KCNK13: variants seen among roughly 807,000 people sequenced by gnomAD.
KCNK13 encodes potassium two pore domain channel subfamily K member 13.
In KCNK13, 12 loss-of-function variants were observed where a neutral mutation model predicts 23.4. The observed-to-expected ratio is 0.51, with a 90% CI of 0.33 to 0.83. KCNK13 has a LOEUF of 0.83. KCNK13 is among the 40% of genes least tolerant of loss of function. The pLI, the probability that KCNK13 is intolerant of heterozygous loss-of-function variation, is 0.02. For missense variants in KCNK13, 463 were observed against 556.3 expected (o/e 0.83, Z 1.69); for synonymous variants, 231 against 229.5 (o/e 1.01, Z -0.06).
At chr14:90,173,837 A>G (rs945861806) in intron 1 of KCNK13, among the ~76,000 whole-genome samples, 3 of 152,230 alleles carry the variant, frequency 2.0e-5, no homozygotes, top group African/African-American at 2.4e-5. Flanking sequence ...TCACACTGCT[A>G]TAAAGAAACA....
intron 1 of KCNK13, among the ~76,000 whole-genome samples, chr14:90,170,993 G>A (rs552085884): frequency 1.3e-5 from 2 of 152,300 alleles, no homozygotes; most frequent in South Asian, 4.1e-4. Flanking sequence ...AAAAGGCAGA[G>A]GCAGGTTTGC....
chr14:90,161,395 A>C (rs1015051758), intron 1 of KCNK13, among the ~76,000 whole-genome samples: 1 of 152,234 alleles, frequency 6.6e-6, no homozygotes, highest in African/African-American at 2.4e-5. Context: ...TCATGCATGT[A>C]CTTACTGCTA....
intron 1 of KCNK13, among the ~76,000 whole-genome samples, chr14:90,078,757 C>T (rs1889173548): frequency 6.6e-6 from 1 of 152,140 alleles, no homozygotes; most frequent in South Asian, 2.1e-4. Context: ...ATCATCACTC[C>T]TTCAATTAAG....
intron 1 of KCNK13, among the ~76,000 whole-genome samples, chr14:90,170,720 T>C (rs1890355602): frequency 6.6e-6 from 1 of 152,290 alleles, no homozygotes; most frequent in African/African-American, 2.4e-5. Flanking sequence ...CTGTATGTTT[T>C]ACATAAGATG....
intron 1 of KCNK13, among the ~76,000 whole-genome samples, chr14:90,112,340 G>C (rs1186530256): frequency 6.6e-6 from 1 of 152,130 alleles, no homozygotes; most frequent in Non-Finnish European, 1.5e-5. Flanking sequence ...TTGCTCTGCT[G>C]GTTCATGTGT....
At chr14:90,150,108 G>C (rs74080615) in intron 1 of KCNK13, among the ~76,000 whole-genome samples, 2 of 152,108 alleles carry the variant, frequency 1.3e-5, no homozygotes, top group African/African-American at 4.8e-5. Context: ...CAGAGATTTC[G>C]TGGAATTGTA....
intron 1 of KCNK13, among the ~76,000 whole-genome samples, chr14:90,182,282 T>C (rs1890496155): frequency 6.6e-6 from 1 of 152,178 alleles, no homozygotes; most frequent in Non-Finnish European, 1.5e-5. Flanking sequence ...ACCTGGATGT[T>C]TGGGAAAGGT....
intron 1 of KCNK13, among the ~76,000 whole-genome samples, chr14:90,148,599 G>A (rs550672511): frequency 5.3e-5 from 8 of 152,356 alleles, no homozygotes; most frequent in African/African-American, 1.9e-4. Flanking sequence ...TACTCCAGAG[G>A]TGCAGAGTGA....
intron 1 of KCNK13, among the ~76,000 whole-genome samples, chr14:90,082,724 A>T (rs151081517): frequency 6.6e-6 from 1 of 152,200 alleles, no homozygotes; most frequent in Non-Finnish European, 1.5e-5. Context: ...GAATAATACC[A>T]TACAATGTCG....
chr14:90,184,441 G>A lies in KCNK13; in HGVS notation c.665G>A (p.Trp222Ter). Residue 222 changes from tryptophan (W) to a stop codon, truncating the protein, a stop_gained, in exon 2 of 2, where the codon TGG (tryptophan) becomes TAG (stop). Transcript: ENST00000282146. LOFTEE classifies it high-confidence loss of function. This position sits in a 1 kb window ranked among gnomAD's most constrained non-coding sequence, Gnocchi z 5.6. The stretch of plus-strand genomic sequence containing the variant: ...GCCATGTACACCCCCATTGAAGGCT[G>A]GAGCTACTTTGACTCACTCTACTTC... ...ASAMYTPIEG[W>*]SYFDSLYFCF... 1 of 1,614,258 alleles carries A rather than the reference G, an allele frequency of 6.2e-7. No individual in the cohort carries two copies. The highest frequency in any genetic ancestry group is 8.5e-7 in the Non-Finnish European group (1 of 1,180,038).
At chr14:90,176,889 A>C (rs1890427967) in intron 1 of KCNK13, among the ~76,000 whole-genome samples, 1 of 151,986 alleles carries the variant, frequency 6.6e-6, no homozygotes. Flanking sequence ...GCATGGTGGC[A>C]TGCGCCTGTA....
intron 1 of KCNK13, among the ~76,000 whole-genome samples, chr14:90,131,592 A>G (rs1889872620): frequency 6.6e-6 from 1 of 152,116 alleles, no homozygotes. Flanking sequence ...CAGTGGCATG[A>G]TCGTAGTTCA....
chr14:90,113,923 ACT>A (rs1473432412), intron 1 of KCNK13, among the ~76,000 whole-genome samples: 6 of 151,876 alleles, frequency 4.0e-5, no homozygotes, highest in South Asian at 2.1e-4. Flanking sequence ...ACAGAGTGAG[ACT>A]CTGTCTCAAA....
chr14:90,140,177 T>G (rs896826270), intron 1 of KCNK13, among the ~76,000 whole-genome samples: 1 of 151,974 alleles, frequency 6.6e-6, no homozygotes, highest in Non-Finnish European at 1.5e-5. Flanking sequence ...GGGTTCGATG[T>G]TGGAGTGTGG....
At chr14:90,112,615 TACA>T (rs1434031554) in intron 1 of KCNK13, among the ~76,000 whole-genome samples, 2 of 152,116 alleles carry the variant, frequency 1.3e-5, no homozygotes, top group African/African-American at 2.4e-5. Flanking sequence ...AGTTGAAAAG[TACA>T]ACAACTGAAC....
intron 1 of KCNK13, among the ~76,000 whole-genome samples, chr14:90,121,179 A>C (rs914686258): frequency 6.6e-6 from 1 of 152,262 alleles, no homozygotes; most frequent in African/African-American, 2.4e-5. Context: ...TATGGAGAGC[A>C]TGCTGCAAAG....
chr14:90,178,793 A>G (rs1191949233), intron 1 of KCNK13, among the ~76,000 whole-genome samples: 2 of 152,204 alleles, frequency 1.3e-5, no homozygotes, highest in Non-Finnish European at 2.9e-5. Context: ...CTCTGCATAT[A>G]AGAACACTCT....
intron 1 of KCNK13, among the ~76,000 whole-genome samples, chr14:90,072,115 C>CT (rs1889082685): frequency 6.6e-6 from 1 of 152,160 alleles, no homozygotes; most frequent in Non-Finnish European, 1.5e-5. Flanking sequence ...ATCCTCCAGC[C>CT]TTTTTTGCCT....
rs1890530601 is a variant in KCNK13, at chr14:90,184,812, A to T, written c.1036A>T (p.Met346Leu). The T allele has an allele frequency of 6.2e-7, 1 of 1,612,792 alleles. No homozygotes were observed. Among genetic ancestry groups the T allele is most frequent in the African/African-American group, 1.3e-5 (1 of 74,868 alleles). The change falls in exon 2 of 2, where the codon ATG (methionine) becomes TTG (leucine). Residue 346 changes from methionine to leucine, a missense_variant. Coordinates refer to ENST00000282146, the MANE Select transcript of KCNK13 (RefSeq NM_022054.4). This position sits in a 1 kb window ranked among gnomAD's most constrained non-coding sequence, Gnocchi z 5.6. ...GGACGGGCGCCGGCTCTCAGGGGAG[A>T]TGATCTCCATGAAGGACTTGCTGGC... ...DTDGRRLSGE[M>L]ISMKDLLAAN...
Sources: allele counts gnomAD v4.1 joint callset (sites outside exome capture counted in the v4.1 genomes callset), GRCh38; gene constraint gnomAD v4.1.1; non-coding constraint Gnocchi (gnomAD v3.1); transcripts MANE v1.5; gene names NCBI Gene and HGNC (gene_info 2026-07-23, HGNC 2026-07-21).